The following ARHGAP32 variants were observed in gnomAD, a reference collection of about 807,000 sequenced individuals.
ARHGAP32 encodes rho GTPase-activating protein 32.
In ARHGAP32, 51 loss-of-function variants were observed where a neutral mutation model predicts 186.5. The observed-to-expected ratio is 0.27, with a 90% CI of 0.22 to 0.35. ARHGAP32 has a LOEUF of 0.35. Among genes scored for constraint, ARHGAP32 ranks in the 10% least tolerant of loss-of-function variants. The probability of loss-of-function intolerance (pLI) is 1.00; values close to 1 mark genes in which losing one functional copy is unlikely to be tolerated. For synonymous variants in ARHGAP32, 950 were observed against 964.3 expected (o/e 0.99, Z 0.27); for missense variants, 2,186 against 2,623.5 (o/e 0.83, Z 3.64).
intron 1 of ARHGAP32, among the ~76,000 whole-genome samples, chr11:129,180,053 G>C (rs1364653059): frequency 1.3e-5 from 2 of 151,828 alleles, no homozygotes; most frequent in African/African-American, 4.8e-5. Context: ...ACATTAGCAA[G>C]ATCACTGGTT....
Position 128,970,979 on chromosome 11 carries a change from G to A in ARHGAP32, c.4234C>T (p.Arg1412Cys), listed in dbSNP as rs112097648. 37 of 1,613,614 alleles carry A rather than the reference G, an allele frequency of 2.3e-5. No homozygotes were observed. In the East Asian group the frequency reaches 4.0e-4, roughly 17 times the overall value. Reference sequence around the variant, plus strand: ...GGATGCGCAGGGACAGACTCGGCGCGCAGGTGCAGCAGCGGGACCCGGGCA... The same window carrying A: ...GGATGCGCAGGGACAGACTCGGCGCACAGGTGCAGCAGCGGGACCCGGGCA... ...DGARVPLLHL[R>C]AESVPAHPCG... The change falls in exon 23 of 23, where the codon CGC becomes TGC. Residue 1412 changes from arginine (R) to cysteine (C), a missense_variant. By Grantham distance (180) the Arg-to-Cys change is radical (BLOSUM62 -3). Around this residue, in one of 5 missense-constraint regions of ARHGAP32, gnomAD observed 1,502 missense variants for 1,570.0 expected, o/e 0.96. Coordinates refer to ENST00000682385, the MANE Select transcript of ARHGAP32 (RefSeq NM_001378024.1). The surrounding 1 kb of genome is among the most constrained non-coding windows in gnomAD (Gnocchi z 5.8).
chr11:129,164,744 ATTAG>A (rs1943598594), intron 1 of ARHGAP32, among the ~76,000 whole-genome samples: 1 of 152,216 alleles, frequency 6.6e-6, no homozygotes, highest in South Asian at 2.1e-4. Flanking sequence ...TGCAACAGCA[ATTAG>A]TTACTCTGAA....
Position 129,123,504 on chromosome 11 carries a change from G to A in ARHGAP32, c.386C>T (p.Pro129Leu), listed in dbSNP as rs775276870. The A allele has an allele frequency of 1.2e-5, 19 of 1,612,588 alleles. No homozygotes were observed. Among genetic ancestry groups the A allele is most frequent in the South Asian group, 4.4e-5 (4 of 90,980 alleles). Reference protein sequence around the residue: ...HRLPFTKGHFPKMAECAHFHY... With the variant: ...HRLPFTKGHFLKMAECAHFHY... ...GAAATGCGCACATTCAGCCATCTTC[G>A]GAAAGTGACCTTTAGTGAAGGGTAA... Residue 129 changes from proline to leucine, a missense_variant, in exon 5 of 23, where the codon CCG (proline) becomes CTG (leucine). By Grantham distance (98) the Pro-to-Leu change is moderately conservative. Around this residue, in one of 5 missense-constraint regions of ARHGAP32, gnomAD observed 308 missense variants for 596.5 expected, o/e 0.52. Coordinates refer to ENST00000682385, the MANE Select transcript of ARHGAP32 (RefSeq NM_001378024.1). This position sits in a 1 kb window ranked among gnomAD's most constrained non-coding sequence, Gnocchi z 4.6.
chr11:129,037,357 A>G (rs1414570987), intron 11 of ARHGAP32, among the ~76,000 whole-genome samples: 1 of 152,100 alleles, frequency 6.6e-6, no homozygotes, highest in South Asian at 2.1e-4. Context: ...ATCCTGGCAC[A>G]GTGGCACATG....
intron 1 of ARHGAP32, among the ~76,000 whole-genome samples, chr11:129,180,172 C>A (rs1322706928): frequency 6.6e-6 from 1 of 151,954 alleles, no homozygotes; most frequent in East Asian, 1.9e-4. Flanking sequence ...ATTTTTCATA[C>A]AATAGACTAC....
Position 129,001,712 on chromosome 11 carries a change from C to T in ARHGAP32, c.1046-3244G>A, listed in dbSNP as rs184203357. On this transcript the variant is annotated intron_variant, in intron 11 of 22. Coordinates refer to ENST00000682385, the MANE Select transcript of ARHGAP32 (RefSeq NM_001378024.1). ...CCTCTAATTGTCCTGGAGATTTTTC[C>T]CATTTTTTTTTAGTAGTTTTATAGT... Among the ~76,000 whole-genome samples, 6 of 151,928 alleles carry T rather than the reference C, an allele frequency of 3.9e-5. No homozygotes were observed. The East Asian group carries it at 1.2e-3, about 29-fold the overall frequency.
At chr11:129,263,017 C>T (rs905031132) in intron 1 of ARHGAP32, among the ~76,000 whole-genome samples, 1 of 152,098 alleles carries the variant, frequency 6.6e-6, no homozygotes, top group Non-Finnish European at 1.5e-5. Flanking sequence ...CTTCAACAAA[C>T]GGTTCTGAGA....
intron 6 of ARHGAP32, among the ~76,000 whole-genome samples, chr11:129,077,149 T>C (rs757999115): frequency 3.9e-5 from 6 of 152,168 alleles, no homozygotes; most frequent in Non-Finnish European, 8.8e-5. Context: ...AGGGAAGCCA[T>C]TTCTGACTTT....
upstream of ARHGAP32, among the ~76,000 whole-genome samples, chr11:129,193,718 TATATATTATATATA>T (rs1565465034): frequency 7.0e-5 from 3 of 42,728 alleles, no homozygotes; most frequent in African/African-American, 2.4e-4. Context: ...TATTATATAT[TATATATTATATATA>T]ATATATATTA....
intron 1 of ARHGAP32, among the ~76,000 whole-genome samples, chr11:129,187,710 A>G (rs1404312920): frequency 6.6e-6 from 1 of 152,136 alleles, no homozygotes; most frequent in Non-Finnish European, 1.5e-5. Flanking sequence ...ATAATTTTTT[A>G]AAATAATATT....
At chr11:129,254,870 T>C (rs976769961) in intron 1 of ARHGAP32, among the ~76,000 whole-genome samples, 1 of 152,122 alleles carries the variant, frequency 6.6e-6, no homozygotes, top group Non-Finnish European at 1.5e-5. Flanking sequence ...TGTGATGTAT[T>C]GTGTGTACAC....
At chr11:129,013,121 T>G (rs1006407736) in intron 11 of ARHGAP32, among the ~76,000 whole-genome samples, 2 of 152,210 alleles carry the variant, frequency 1.3e-5, no homozygotes, top group African/African-American at 4.8e-5. Flanking sequence ...TTATTTTTCC[T>G]AAATAGTGAC....
At chr11:129,202,870 A>G (rs1652370536) in intron 1 of ARHGAP32, 1 of 152,198 alleles carries the variant, frequency 6.6e-6, no homozygotes, top group Non-Finnish European at 1.5e-5. Context: ...TAAAGAGCTC[A>G]AAGTGCTCTT....
At chr11:128,998,942 A>G (rs1328708220) in intron 11 of ARHGAP32, among the ~76,000 whole-genome samples, 1 of 152,152 alleles carries the variant, frequency 6.6e-6, no homozygotes, top group Admixed American at 6.5e-5. Flanking sequence ...TCACCTCAGG[A>G]CCCTGTGATG....
intron 2 of ARHGAP32, among the ~76,000 whole-genome samples, chr11:129,139,421 T>C (rs1213002291): frequency 1.3e-5 from 2 of 152,194 alleles, no homozygotes; most frequent in African/African-American, 2.4e-5. Flanking sequence ...TTAGTGAAAT[T>C]AAAATTTCTA....
At chr11:129,222,875 T>G (rs766050337) in intron 1 of ARHGAP32, among the ~76,000 whole-genome samples, 13 of 152,144 alleles carry the variant, frequency 8.5e-5, no homozygotes, top group Non-Finnish European at 1.3e-4. Flanking sequence ...GATGCTGTAT[T>G]CTGGGGGTAG....
chr11:129,032,929 T>C (rs576050237), intron 11 of ARHGAP32, among the ~76,000 whole-genome samples: 74 of 152,350 alleles, frequency 4.9e-4, no homozygotes, highest in South Asian at 6.2e-4. Context: ...TCCCAATCAC[T>C]GACCTTCTCT....
At chr11:129,193,560 ATT>A (rs1944317779), upstream of ARHGAP32, among the ~76,000 whole-genome samples, 2 of 13,886 alleles carry the variant, frequency 1.4e-4, no homozygotes, top group African/African-American at 5.4e-4. Flanking sequence ...ATATATATAT[ATT>A]ATATATAATA....
Sources: gnomAD v4.1 joint callset for allele counts (sites outside exome capture counted in the v4.1 genomes callset) on GRCh38, gnomAD v4.1.1 for gene constraint, gnomAD v4.1.1 regional missense constraint, Gnocchi (gnomAD v3.1) non-coding constraint, MANE v1.5 for transcripts, NCBI Gene and HGNC (gene_info 2026-07-23, HGNC 2026-07-21) for gene names.